SGCD: variants seen among roughly 807,000 people sequenced by gnomAD.
SGCD encodes sarcoglycan delta, also known as delta-sarcoglycan.
A neutral mutation model predicts 36.6 loss-of-function variants in SGCD; 18 were observed. The observed-to-expected ratio is 0.49, with a 90% confidence interval of 0.34 to 0.73. The LOEUF (loss-of-function observed/expected upper bound fraction) is 0.73. Among genes scored for constraint, SGCD ranks in the 30% least tolerant of loss-of-function variants. The pLI is 0.01. For synonymous variants in SGCD, 133 were observed against 130.6 expected, an observed-to-expected ratio of 1.02 and a Z score of -0.12; for missense variants, 387 against 346.7, an observed-to-expected ratio of 1.12 and a Z score of -0.92.
intron 3 of SGCD, among the ~76,000 whole-genome samples, chr5:156,181,846 A>G (rs1025739088): frequency 2.0e-5 from 3 of 152,216 alleles, no homozygotes; most frequent in African/African-American, 4.8e-5. Flanking sequence ...CAGATTAATC[A>G]CTAAGTACTA....
chr5:156,031,162 C>T (rs983495679), intron 1 of SGCD, among the ~76,000 whole-genome samples: 2 of 152,160 alleles, frequency 1.3e-5, no homozygotes, highest in African/African-American at 2.4e-5. Context: ...CCCTAGAAGG[C>T]TTTTTATGAC....
chr5:156,502,038 C>CTTTTTTTTTTTTTT (rs34669004), intron 3 of SGCD, among the ~76,000 whole-genome samples: 1 of 141,082 alleles, frequency 7.1e-6, no homozygotes. Flanking sequence ...GATATTCTCT[C>CTTTTTTTTTTTTTT]TTTTTTTTTT....
chr5:156,673,982 A>G (rs1192112737), intron 7 of SGCD, among the ~76,000 whole-genome samples: 1 of 152,210 alleles, frequency 6.6e-6, no homozygotes, highest in Non-Finnish European at 1.5e-5. Flanking sequence ...TCTGGCCCTC[A>G]TAGAATGCTC....
At chr5:156,360,985 T>G (rs1769760119) in intron 3 of SGCD, among the ~76,000 whole-genome samples, 1 of 151,164 alleles carries the variant, frequency 6.6e-6, no homozygotes, top group Non-Finnish European at 1.5e-5. Flanking sequence ...AGGCAAGGGG[T>G]CAATTGAGCT....
At chr5:155,746,504 G>C in the SGCD span, among the ~76,000 whole-genome samples, 4 of 152,282 alleles carry the variant, frequency 2.6e-5, no homozygotes, top group African/African-American at 9.6e-5. Flanking sequence ...GTCAGAGCAG[G>C]CTGCTCAAAA....
chr5:156,297,806 ATAAAT>A, intron 3 of SGCD, among the ~76,000 whole-genome samples: 1 of 149,566 alleles, frequency 6.7e-6, no homozygotes, highest in African/African-American at 2.5e-5. Flanking sequence ...AAATAAATAA[ATAAAT>A]AAATAAATAA....
intron 3 of SGCD, among the ~76,000 whole-genome samples, chr5:156,307,553 T>G (rs1162413859): frequency 1.2e-5 from 1 of 86,596 alleles, no homozygotes; most frequent in Non-Finnish European, 2.1e-5. Flanking sequence ...ATTTTAACTG[T>G]TGTTTTTTTT....
At chr5:156,247,419 T>A (rs1468931542) in intron 3 of SGCD, among the ~76,000 whole-genome samples, 1 of 152,322 alleles carries the variant, frequency 6.6e-6, no homozygotes, top group East Asian at 1.9e-4. Flanking sequence ...TAATAGTTTT[T>A]TTGGTGTCTA....
intron 3 of SGCD, among the ~76,000 whole-genome samples, chr5:156,186,519 C>T (rs930005000): frequency 6.6e-6 from 1 of 152,160 alleles, no homozygotes; most frequent in African/African-American, 2.4e-5. Context: ...ACTCCTAAGA[C>T]TTTATCTGGT....
intron 4 of SGCD, among the ~76,000 whole-genome samples, chr5:156,513,541 T>C (rs886608043): frequency 6.6e-6 from 1 of 152,180 alleles, no homozygotes; most frequent in Non-Finnish European, 1.5e-5. Flanking sequence ...TGAAAAGAGA[T>C]CAGTGTCCAG....
At chr5:155,788,820 T>C in the SGCD span, among the ~76,000 whole-genome samples, 1 of 152,084 alleles carries the variant, frequency 6.6e-6, no homozygotes, top group African/African-American at 2.4e-5. Context: ...TCCTGTGAAA[T>C]CACAGGAAGG....
intron 1 of SGCD, among the ~76,000 whole-genome samples, chr5:155,930,915 C>G (rs1050022513): frequency 6.6e-6 from 1 of 152,148 alleles, no homozygotes; most frequent in Admixed American, 6.6e-5. Context: ...ATCATAATCC[C>G]TGACATTTGT....
intron 1 of SGCD, among the ~76,000 whole-genome samples, chr5:155,935,076 T>C (rs1271097692): frequency 6.6e-6 from 1 of 152,226 alleles, no homozygotes; most frequent in Non-Finnish European, 1.5e-5. Context: ...GGCAGTATAC[T>C]TGACCCTAAG....
chr5:156,018,104 GAACCATA>G (rs1759024039), intron 1 of SGCD, among the ~76,000 whole-genome samples: 1 of 152,132 alleles, frequency 6.6e-6, no homozygotes, highest in African/African-American at 2.4e-5. Context: ...AGGCTGCAGT[GAACCATA>G]ATTGCACCAC....
chr5:156,684,213 G>T (rs1188033939), intron 7 of SGCD, among the ~76,000 whole-genome samples: 1 of 152,108 alleles, frequency 6.6e-6, no homozygotes, highest in South Asian at 2.1e-4. Flanking sequence ...TGATGTCACT[G>T]AGAGTTAGGA....
chr5:156,011,515 A>T (rs1581040719), intron 1 of SGCD, among the ~76,000 whole-genome samples: 1 of 151,684 alleles, frequency 6.6e-6, no homozygotes, highest in South Asian at 2.1e-4. Context: ...ATCTTGGCTC[A>T]CTGCAACTCC....
chr5:156,423,374 T>C (rs1320689697), intron 3 of SGCD, among the ~76,000 whole-genome samples: 7 of 105,568 alleles, frequency 6.6e-5, no homozygotes, highest in South Asian at 2.8e-4. Flanking sequence ...TATTATATTT[T>C]ATTATAATAT....
At chr5:156,639,637 T>A (rs1161535233) in intron 6 of SGCD, among the ~76,000 whole-genome samples, 1 of 152,182 alleles carries the variant, frequency 6.6e-6, no homozygotes, top group Non-Finnish European at 1.5e-5. Context: ...CCCACAACAG[T>A]CTGCCTTCAG....
At chr5:156,289,345 T>A (rs1322178901) in intron 3 of SGCD, among the ~76,000 whole-genome samples, 4 of 152,102 alleles carry the variant, frequency 2.6e-5, no homozygotes, top group African/African-American at 9.7e-5. Flanking sequence ...GTGCAGAATG[T>A]GCAGGTTTGT....
Sources: gnomAD v4.1 joint callset for allele counts (sites outside exome capture counted in the v4.1 genomes callset) on GRCh38, gnomAD v4.1.1 for gene constraint, MANE v1.5 for transcripts, NCBI Gene and HGNC (gene_info 2026-07-23, HGNC 2026-07-21) for gene names.